Variants in FHIT observed in about 807,000 individuals in gnomAD.
FHIT encodes fragile histidine triad diadenosine triphosphatase, also known as bis(5'-adenosyl)-triphosphatase.
FHIT carries 19 observed loss-of-function variants against 17.9 expected under a neutral mutation model. The observed-to-expected ratio is 1.06, with a 90% CI of 0.74 to 1.56. The LOEUF (loss-of-function observed/expected upper bound fraction) is 1.56. FHIT is among the 40% of genes most tolerant of loss of function. FHIT has a pLI of 0.00. For synonymous variants in FHIT, 81 were observed against 69.7 expected (o/e 1.16, Z -0.81); for missense variants, 248 against 189.2 (o/e 1.31, Z -1.82).
At chr3:60,288,024 A>G (rs780061943) in intron 5 of FHIT, among the ~76,000 whole-genome samples, 1 of 152,174 alleles carries the variant, frequency 6.6e-6, no homozygotes, top group Non-Finnish European at 1.5e-5. Flanking sequence ...TTCTGACTCA[A>G]GGTCTCTGGG....
rs147664049 is a variant in FHIT, at chr3:60,183,201, C to T, written c.104-169049G>A. Among the ~76,000 whole-genome samples, 1,353 of 152,244 alleles carry T rather than the reference C, an allele frequency of 8.9e-3. 5 individuals carry two copies. The highest frequency in any genetic ancestry group is 0.014 in the Middle Eastern group (4 of 294). On this transcript the variant is annotated intron_variant, in intron 5 of 9. Transcript: ENST00000492590. ...TCACTTGAGGTCAGGAGTTTGAGAA[C>T]ATCCTAGCCGACATGGTGAAAATCC...
At chr3:60,445,322 G>A (rs2031248500) in intron 5 of FHIT, among the ~76,000 whole-genome samples, 1 of 151,984 alleles carries the variant, frequency 6.6e-6, no homozygotes, top group Non-Finnish European at 1.5e-5. Context: ...AGCACTCAGG[G>A]TAACCTGTAT....
At chr3:59,819,945 T>G (rs1363289479) in intron 8 of FHIT, among the ~76,000 whole-genome samples, 1 of 152,158 alleles carries the variant, frequency 6.6e-6, no homozygotes, top group East Asian at 1.9e-4. Flanking sequence ...GACACAGTGT[T>G]TGTCTCTTTC....
chr3:60,101,156 C>G (rs533681760), intron 5 of FHIT, among the ~76,000 whole-genome samples: 54 of 152,332 alleles, frequency 3.5e-4, no homozygotes, highest in African/African-American at 1.2e-3. Flanking sequence ...TATACAGCCG[C>G]CAGAAGGGCT....
chr3:60,325,774 C>G (rs759818358), intron 5 of FHIT, among the ~76,000 whole-genome samples: 10 of 152,176 alleles, frequency 6.6e-5, no homozygotes, highest in Non-Finnish European at 1.5e-4. Context: ...CTCTGCCCTG[C>G]CAGCAGGGCA....
intron 5 of FHIT, among the ~76,000 whole-genome samples, chr3:60,356,201 T>C (rs183494702): frequency 2.0e-5 from 3 of 152,342 alleles, no homozygotes; most frequent in Non-Finnish European, 4.4e-5. Context: ...ATTTGCTGTA[T>C]CAGCCTATAA....
chr3:60,960,392 C>CA (rs1553780355), intron 3 of FHIT, among the ~76,000 whole-genome samples: 2 of 152,168 alleles, frequency 1.3e-5, no homozygotes, highest in Non-Finnish European at 2.9e-5. Flanking sequence ...TGAGAAACAT[C>CA]TTACACCAGT....
intron 5 of FHIT, among the ~76,000 whole-genome samples, chr3:60,163,709 T>C (rs6781028): frequency 0.74 from 112,012 of 152,058 alleles, 42,272 homozygotes; most frequent in Non-Finnish European, 0.83. Context: ...TGATTCTTTG[T>C]TGTGGGGTCT....
intron 7 of FHIT, among the ~76,000 whole-genome samples, chr3:59,993,818 C>G (rs1031254927): frequency 6.6e-6 from 1 of 152,038 alleles, no homozygotes; most frequent in Non-Finnish European, 1.5e-5. Flanking sequence ...CTGCTTCCCT[C>G]TGAACCTCAG....
At chr3:60,629,033 T>C (rs568286564) in intron 4 of FHIT, among the ~76,000 whole-genome samples, 3 of 152,226 alleles carry the variant, frequency 2.0e-5, no homozygotes, top group East Asian at 3.9e-4. Flanking sequence ...CAGCCTCCCA[T>C]ACCCGGGGTA....
intron 4 of FHIT, among the ~76,000 whole-genome samples, chr3:60,655,886 G>C (rs1409446294): frequency 2.0e-5 from 3 of 152,176 alleles, no homozygotes; most frequent in Admixed American, 6.5e-5. Context: ...TTAGTTGTTG[G>C]AAGGTTGGCA....
At chr3:60,316,367 T>C (rs1709164812) in intron 5 of FHIT, among the ~76,000 whole-genome samples, 1 of 152,210 alleles carries the variant, frequency 6.6e-6, no homozygotes, top group African/African-American at 2.4e-5. Context: ...ACAGTATAAG[T>C]GCAATAGTGT....
chr3:61,063,307 A>G (rs10222378), intron 2 of FHIT, among the ~76,000 whole-genome samples: 78,841 of 145,754 alleles, frequency 0.54, 22,748 homozygotes, highest in Non-Finnish European at 0.65. Context: ...TCTCAAATCA[A>G]CCACATCGGG....
At chr3:61,227,220 G>C (rs1320215701) in intron 1 of FHIT, among the ~76,000 whole-genome samples, 1 of 152,060 alleles carries the variant, frequency 6.6e-6, no homozygotes, top group African/African-American at 2.4e-5. Context: ...AGATATAATG[G>C]AGTAAATGAC....
Position 60,630,959 on chromosome 3 carries a change from C to A in FHIT, c.-17-93980G>T, listed in dbSNP as rs62249147. ...TAAAAAAAAAAAAAAAAAAAAAACA[C>A]ACAGAAATAACTGAGTAAAAAACAC... is the stretch of plus-strand genomic sequence containing the variant. On this transcript the variant is annotated intron_variant, in intron 4 of 9. Coordinates refer to ENST00000492590, the MANE Select transcript of FHIT (RefSeq NM_002012.4). Among the ~76,000 whole-genome samples, 234 of 81,834 alleles carry A rather than the reference C, an allele frequency of 2.9e-3. 4 individuals are homozygous for A. Among genetic ancestry groups the A allele is most frequent in the Middle Eastern group, 7.1e-3 (1 of 140 alleles). 53.7% of individuals were successfully genotyped at this position (81,834 alleles called of 152,430 possible).
chr3:60,734,549 G>C (rs1254452560), intron 4 of FHIT, among the ~76,000 whole-genome samples: 1 of 152,158 alleles, frequency 6.6e-6, no homozygotes, highest in Non-Finnish European at 1.5e-5. Context: ...CCACAGGCAT[G>C]GCACCACCGG....
intron 3 of FHIT, among the ~76,000 whole-genome samples, chr3:60,991,639 T>C (rs1206259903): frequency 6.6e-6 from 1 of 152,160 alleles, no homozygotes; most frequent in Non-Finnish European, 1.5e-5. Context: ...CAATATGCCA[T>C]GTGATCTTAG....
chr3:61,130,880 C>A (rs558353807), intron 2 of FHIT, among the ~76,000 whole-genome samples: 198 of 152,292 alleles, frequency 1.3e-3, no homozygotes, highest in Middle Eastern at 3.4e-3. Context: ...AGACACTTAA[C>A]CCTTTGGGTT....
intron 3 of FHIT, among the ~76,000 whole-genome samples, chr3:60,912,072 C>T (rs782592141): frequency 6.7e-6 from 1 of 148,250 alleles, no homozygotes; most frequent in Admixed American, 6.8e-5. Context: ...CACACACACA[C>T]GTACACACAC....
Sources: allele counts gnomAD v4.1 joint callset (sites outside exome capture counted in the v4.1 genomes callset), GRCh38; gene constraint gnomAD v4.1.1; transcripts MANE v1.5; gene names NCBI Gene and HGNC (gene_info 2026-07-23, HGNC 2026-07-21).